The following SMYD3 variants were observed in gnomAD, a reference collection of about 807,000 sequenced individuals.
SMYD3 encodes the protein histone-lysine N-methyltransferase SMYD3.
SMYD3 carries 36 observed loss-of-function variants against 57.7 expected under a neutral mutation model. The observed-to-expected ratio is 0.62, with a 90% confidence interval of 0.48 to 0.82. The LOEUF is 0.82. Ranked by LOEUF, SMYD3 falls within the 40% of genes least tolerant of loss-of-function variation. The pLI is 0.00. For missense variants in SMYD3, 515 were observed against 538.8 expected (o/e 0.96, Z 0.44); for synonymous variants, 211 against 195.0 (o/e 1.08, Z -0.68).
chr1:246,142,711 G>A (rs2061777587), intron 5 of SMYD3, among the ~76,000 whole-genome samples: 1 of 152,170 alleles, frequency 6.6e-6, no homozygotes, highest in African/African-American at 2.4e-5. Context: ...TTTTTAGACT[G>A]TAGTTGACCA....
At chr1:246,327,914 C>G (rs554733216) in intron 4 of SMYD3, among the ~76,000 whole-genome samples, 1 of 152,170 alleles carries the variant, frequency 6.6e-6, no homozygotes, top group African/African-American at 2.4e-5. Flanking sequence ...GATAAAGGAG[C>G]CTGGCGCCGT....
chr1:246,301,041 C>G (rs1420275817), intron 5 of SMYD3, among the ~76,000 whole-genome samples: 2 of 152,092 alleles, frequency 1.3e-5, no homozygotes, highest in Admixed American at 1.3e-4. Flanking sequence ...GAAGTCGTCA[C>G]TGATTATCAA....
At chr1:246,384,430 CTG>C (rs2066437245) in intron 1 of SMYD3, among the ~76,000 whole-genome samples, 1 of 151,944 alleles carries the variant, frequency 6.6e-6, no homozygotes, top group Admixed American at 6.6e-5. Context: ...GAGTCTCACT[CTG>C]TCGCCCAAGC....
At chr1:246,049,290 T>G (rs116693315) in intron 5 of SMYD3, among the ~76,000 whole-genome samples, 2,337 of 152,052 alleles carry the variant, frequency 0.015, 30 homozygotes, top group South Asian at 0.047. Context: ...TATGTGTTTT[T>G]TTTGTTTGTT....
intron 5 of SMYD3, among the ~76,000 whole-genome samples, chr1:246,077,058 G>T (rs1190584899): frequency 6.6e-6 from 1 of 152,128 alleles, no homozygotes; most frequent in Non-Finnish European, 1.5e-5. Flanking sequence ...GCAGAAATAG[G>T]AGACCAGGGA....
intron 2 of SMYD3, among the ~76,000 whole-genome samples, chr1:246,342,660 G>A (rs2065651008): frequency 6.6e-6 from 1 of 152,182 alleles, no homozygotes; most frequent in African/African-American, 2.4e-5. Flanking sequence ...ATCAAATGTA[G>A]AGCAAGAGCA....
At chr1:246,067,755 T>C (rs2060367708) in intron 5 of SMYD3, among the ~76,000 whole-genome samples, 1 of 152,168 alleles carries the variant, frequency 6.6e-6, no homozygotes, top group Admixed American at 6.5e-5. Flanking sequence ...TCTCCTCTTA[T>C]TTCCTTTGAA....
At chr1:246,437,850 T>G (rs2067403230) in intron 1 of SMYD3, among the ~76,000 whole-genome samples, 1 of 152,250 alleles carries the variant, frequency 6.6e-6, no homozygotes, top group Admixed American at 6.5e-5. Flanking sequence ...ATAATGCATG[T>G]GGACATAAAT....
intron 4 of SMYD3, among the ~76,000 whole-genome samples, chr1:246,328,669 T>G (rs1388249458): frequency 2.6e-5 from 4 of 151,386 alleles, no homozygotes; most frequent in Admixed American, 1.3e-4. Flanking sequence ...TAAATATATG[T>G]TTTTTTATTT....
At chr1:246,030,797 G>A (rs750731536) in intron 5 of SMYD3, among the ~76,000 whole-genome samples, 1 of 152,156 alleles carries the variant, frequency 6.6e-6, no homozygotes, top group Non-Finnish European at 1.5e-5. Flanking sequence ...ATTGATGTCA[G>A]AGCCCTAAAA....
chr1:246,442,597 G>A (rs1261581726), intron 1 of SMYD3, among the ~76,000 whole-genome samples: 2 of 133,446 alleles, frequency 1.5e-5, no homozygotes, highest in Non-Finnish European at 3.4e-5. Context: ...AGAAAACAAA[G>A]TAAAAGTAGT....
intron 5 of SMYD3, among the ~76,000 whole-genome samples, chr1:246,211,586 C>A (rs1463482485): frequency 2.6e-5 from 4 of 151,990 alleles, no homozygotes; most frequent in Non-Finnish European, 5.9e-5. Flanking sequence ...CCAATATTTA[C>A]CTTAGGAAAA....
chr1:246,489,162 T>C (rs972885453), intron 1 of SMYD3, among the ~76,000 whole-genome samples: 4 of 151,846 alleles, frequency 2.6e-5, no homozygotes, highest in Admixed American at 6.6e-5. Context: ...CTGGCTAACA[T>C]GGTGACACCC....
At chr1:246,390,770 A>G (rs748857357) in intron 1 of SMYD3, among the ~76,000 whole-genome samples, 10 of 152,262 alleles carry the variant, frequency 6.6e-5, no homozygotes, top group Admixed American at 1.3e-4. Flanking sequence ...AGCACACATA[A>G]ATTCAGACTA....
chr1:246,278,107 A>C (rs2064369669), intron 5 of SMYD3, among the ~76,000 whole-genome samples: 1 of 152,172 alleles, frequency 6.6e-6, no homozygotes, highest in Non-Finnish European at 1.5e-5. Context: ...GCACAGACCA[A>C]ACCAACAACT....
At chr1:246,157,393 AG>A (rs149719399) in intron 5 of SMYD3, among the ~76,000 whole-genome samples, 2,256 of 152,302 alleles carry the variant, frequency 0.015, 54 homozygotes, top group African/African-American at 0.05. Context: ...AAGAAACAGC[AG>A]CAATTCTGTT....
chr1:245,761,902 C>T (rs2045862196), intron 11 of SMYD3, among the ~76,000 whole-genome samples: 1 of 150,622 alleles, frequency 6.6e-6, no homozygotes. Context: ...TCTCTCACCT[C>T]AGCCTCCTGA....
At chr1:246,481,693 T>A (rs2068109836) in intron 1 of SMYD3, among the ~76,000 whole-genome samples, 2 of 144,806 alleles carry the variant, frequency 1.4e-5, no homozygotes, top group South Asian at 4.3e-4. Flanking sequence ...TATGAGTATA[T>A]ATGATCATAT....
At chr1:246,392,126 G>A (rs2066582793) in intron 1 of SMYD3, among the ~76,000 whole-genome samples, 1 of 152,014 alleles carries the variant, frequency 6.6e-6, no homozygotes, top group African/African-American at 2.4e-5. Flanking sequence ...CCAGTTTGCA[G>A]CATCAGGTTC....
Sources: gnomAD v4.1 joint callset for allele counts (sites outside exome capture counted in the v4.1 genomes callset) on GRCh38, gnomAD v4.1.1 for gene constraint, MANE v1.5 for transcripts, NCBI Gene and HGNC (gene_info 2026-07-23, HGNC 2026-07-21) for gene names.